Variants in SGCZ observed in about 807,000 individuals in gnomAD.
SGCZ encodes sarcoglycan zeta.
In SGCZ, 40 loss-of-function variants were observed where a neutral mutation model predicts 41.3. The ratio of observed to expected loss-of-function variants is 0.97; its 90% CI spans 0.75 to 1.26. SGCZ has a LOEUF of 1.26. Among genes scored for constraint, SGCZ ranks in the 50% most tolerant of loss-of-function variants. The pLI is 0.00. For synonymous variants in SGCZ, 206 were observed against 137.5 expected, an observed-to-expected ratio of 1.50 and a Z score of -3.49; for missense variants, 552 against 369.8, an observed-to-expected ratio of 1.49 and a Z score of -4.04.
intron 1 of SGCZ, among the ~76,000 whole-genome samples, chr8:15,115,412 CA>C (rs1807229948): frequency 6.6e-6 from 1 of 152,162 alleles, no homozygotes; most frequent in African/African-American, 2.4e-5. Context: ...TGTACATAAG[CA>C]ATAGTAATCT....
At chr8:14,916,577 C>CT (rs1799444368) in intron 1 of SGCZ, among the ~76,000 whole-genome samples, 1 of 152,152 alleles carries the variant, frequency 6.6e-6, no homozygotes, top group Non-Finnish European at 1.5e-5. Flanking sequence ...TATTTGTAAG[C>CT]TCCATATAAG....
chr8:15,173,785 G>A (rs1799918421), intron 1 of SGCZ, among the ~76,000 whole-genome samples: 1 of 152,114 alleles, frequency 6.6e-6, no homozygotes, highest in South Asian at 2.1e-4. Flanking sequence ...CACCACCCAG[G>A]CTGAAATGCA....
chr8:14,855,170 A>G (rs771609118), intron 1 of SGCZ, among the ~76,000 whole-genome samples: 3 of 151,922 alleles, frequency 2.0e-5, no homozygotes, highest in Non-Finnish European at 4.4e-5. Flanking sequence ...CTCATGCCTT[A>G]GTCTCCTGAG....
chr8:14,209,123 G>C (rs1585233772), intron 4 of SGCZ, among the ~76,000 whole-genome samples: 1 of 152,224 alleles, frequency 6.6e-6, no homozygotes, highest in Non-Finnish European at 1.5e-5. Context: ...CACGGCGCCA[G>C]CCACGTGGAA....
intron 1 of SGCZ, among the ~76,000 whole-genome samples, chr8:14,633,539 T>C (rs1806727777): frequency 6.6e-6 from 1 of 151,958 alleles, no homozygotes; most frequent in African/African-American, 2.4e-5. Context: ...CTAACTAGAA[T>C]AAAAAGTTGG....
chr8:14,553,774 A>AAAAC (rs533927626), intron 2 of SGCZ, among the ~76,000 whole-genome samples: 1 of 152,070 alleles, frequency 6.6e-6, no homozygotes, highest in Admixed American at 6.6e-5. Context: ...TGGGGTTTAA[A>AAAAC]AAACAAACAA....
At chr8:14,698,023 C>CA (rs1809021184) in intron 1 of SGCZ, among the ~76,000 whole-genome samples, 1 of 151,848 alleles carries the variant, frequency 6.6e-6, no homozygotes, top group African/African-American at 2.4e-5. Context: ...TTCAAAAGGC[C>CA]AACATTTCAC....
At chr8:15,128,144 G>T (rs1240200541) in intron 1 of SGCZ, among the ~76,000 whole-genome samples, 2 of 152,000 alleles carry the variant, frequency 1.3e-5, no homozygotes, top group African/African-American at 2.4e-5. Flanking sequence ...TTCCACAAGA[G>T]CTGGACCACA....
chr8:15,114,827 C>A (rs571224477), intron 1 of SGCZ, among the ~76,000 whole-genome samples: 59 of 151,190 alleles, frequency 3.9e-4, no homozygotes, highest in African/African-American at 1.2e-3. Flanking sequence ...GTTGCCCAGA[C>A]AAAAATGTCA....
intron 1 of SGCZ, among the ~76,000 whole-genome samples, chr8:14,898,411 G>C (rs1805283750): frequency 6.6e-6 from 1 of 152,218 alleles, no homozygotes; most frequent in South Asian, 2.1e-4. Flanking sequence ...GAAATGCGTT[G>C]TAAGGCGGCC....
rs187119793 is a variant in SGCZ, at chr8:14,329,267, G to A, written c.235-5063C>T. ...ACATGTTGTCTATCTAAACCCAAAT[G>A]TGTATTTTATAAACATCAGACAAAT... On this transcript the variant is annotated intron_variant, in intron 2 of 7. Coordinates refer to ENST00000382080, the MANE Select transcript of SGCZ (RefSeq NM_139167.4). 2.9e-3 allele frequency among the ~76,000 whole-genome samples: 445 copies of A among 152,254 alleles called. 2 individuals carry two copies. The highest frequency in any genetic ancestry group is 0.01 in the African/African-American group (428 of 41,536).
intron 1 of SGCZ, among the ~76,000 whole-genome samples, chr8:15,028,113 G>A (rs548265392): frequency 3.4e-4 from 52 of 152,078 alleles, no homozygotes; most frequent in African/African-American, 1.3e-3. Flanking sequence ...CACTAATAAA[G>A]ACCTTAGGAC....
In SGCZ at chr8:14,108,482, C is replaced by G. The variant is rs552597355; in HGVS notation, c.548-247G>C. Among the ~76,000 whole-genome samples, 20 of 152,234 alleles carry G rather than the reference C, an allele frequency of 1.3e-4. 1 individual carries two copies. The South Asian group carries it at 4.0e-3, about 30-fold the overall frequency. ...GAATCATGGCGGGAGGCAACAGGCA[C>G]TTCATACATCGCGGTGGCAAGAGAA... On this transcript the variant is annotated intron_variant, in intron 5 of 7. Coordinates refer to ENST00000382080, the MANE Select transcript of SGCZ (RefSeq NM_139167.4).
At chr8:15,112,189 T>A (rs1238246630) in intron 1 of SGCZ, among the ~76,000 whole-genome samples, 1 of 152,234 alleles carries the variant, frequency 6.6e-6, no homozygotes, top group East Asian at 1.9e-4. Flanking sequence ...AGAACATAGT[T>A]GAAACCTAAC....
intron 4 of SGCZ, 130 bp downstream of exon 4, chr8:14,237,462 G>A: frequency 1.2e-6 from 1 of 845,850 alleles, no homozygotes; most frequent in East Asian, 2.5e-5. Context: ...CCAGCCTGGT[G>A]ACAGAGTGAG....
intron 2 of SGCZ, among the ~76,000 whole-genome samples, chr8:14,393,368 T>C (rs7814677): frequency 5.9e-5 from 9 of 151,948 alleles, no homozygotes; most frequent in South Asian, 4.1e-4. Flanking sequence ...GGACTAGACA[T>C]GTTCAAGATG....
chr8:14,320,345 A>C (rs1801876502), intron 3 of SGCZ, among the ~76,000 whole-genome samples: 1 of 151,872 alleles, frequency 6.6e-6, no homozygotes, highest in Admixed American at 6.6e-5. Flanking sequence ...GTGTTACCTG[A>C]ATGAAAGAGG....
At chr8:14,517,453 G>A (rs1275408557) in intron 2 of SGCZ, among the ~76,000 whole-genome samples, 1 of 151,960 alleles carries the variant, frequency 6.6e-6, no homozygotes, top group African/African-American at 2.4e-5. Context: ...TGTGAACCTA[G>A]AATAATTTCC....
intron 1 of SGCZ, among the ~76,000 whole-genome samples, chr8:15,152,292 A>G (rs1799199327): frequency 6.6e-6 from 1 of 152,208 alleles, no homozygotes; most frequent in African/African-American, 2.4e-5. Flanking sequence ...TAAGGGTCAG[A>G]AAAAAATATG....
Sources: gnomAD v4.1 joint callset for allele counts (sites outside exome capture counted in the v4.1 genomes callset) on GRCh38, gnomAD v4.1.1 for gene constraint, MANE v1.5 for transcripts, NCBI Gene and HGNC (gene_info 2026-07-23, HGNC 2026-07-21) for gene names.